Variants in SYNE2 observed in about 807,000 individuals in gnomAD.
SYNE2 encodes the protein spectrin repeat containing nuclear envelope protein 2.
SYNE2 carries 431 observed loss-of-function variants against 856.3 expected under a neutral mutation model. The observed-to-expected ratio is 0.50, with a 90% CI of 0.47 to 0.55. SYNE2 has a LOEUF of 0.55. Among genes scored for constraint, SYNE2 ranks in the 20% least tolerant of loss-of-function variants. The probability of loss-of-function intolerance (pLI) is 0.00; values close to 1 mark genes in which losing one functional copy is unlikely to be tolerated. For synonymous variants in SYNE2, 2,923 were observed against 2,872.3 expected (o/e 1.02, Z -0.56); for missense variants, 8,129 against 8,023.2 (o/e 1.01, Z -0.50).
At chr14:63,798,951 A>G (rs1342998712) in intron 1 of SYNE2, among the ~76,000 whole-genome samples, 2 of 152,110 alleles carry the variant, frequency 1.3e-5, no homozygotes, top group African/African-American at 2.4e-5. Flanking sequence ...ACAACTCTTC[A>G]TGGGTCCCAG....
At chr14:63,988,235 G>A (rs2096640403) in intron 19 of SYNE2, among the ~76,000 whole-genome samples, 2 of 152,090 alleles carry the variant, frequency 1.3e-5, no homozygotes, top group South Asian at 4.1e-4. Flanking sequence ...GCGCCATCAC[G>A]CCCAGCTAAT....
rs747731843 is a variant in SYNE2 at position 63,998,377 on chromosome 14, C to T, written c.3353+49C>T. On this transcript the variant is annotated intron_variant, in intron 26 of 115. Transcript: ENST00000555002. ...GGAAAATCCACCAGAAGTCTTTCAT[C>T]GATGCAAACATGTTAGACTTTTTAA... is the stretch of plus-strand genomic sequence containing the variant. 29 of 1,243,772 alleles carry T rather than the reference C, an allele frequency of 2.3e-5. No homozygotes were observed. In the South Asian group the frequency reaches 2.5e-4, roughly 11 times the overall value. 77.0% of individuals were successfully genotyped at this position (1,243,772 alleles called of 1,614,324 possible). A position where few individuals can be genotyped will look rare whatever the true frequency, so the allele number is the denominator to read the frequency against.
intron 32 of SYNE2, among the ~76,000 whole-genome samples, chr14:64,011,324 T>C (rs1282849559): frequency 6.6e-6 from 1 of 152,230 alleles, no homozygotes; most frequent in Non-Finnish European, 1.5e-5. Context: ...GTTGCTTAGA[T>C]GTAACCTGTC....
intron 3 of SYNE2, among the ~76,000 whole-genome samples, chr14:63,941,158 G>A (rs933461013): frequency 1.3e-5 from 2 of 152,154 alleles, no homozygotes; most frequent in Admixed American, 1.3e-4. Flanking sequence ...AAAAGTGATA[G>A]TGCTGGGATA....
At chr14:63,875,257 G>C (rs1248847452) in intron 1 of SYNE2, among the ~76,000 whole-genome samples, 1 of 152,002 alleles carries the variant, frequency 6.6e-6, no homozygotes, top group Non-Finnish European at 1.5e-5. Context: ...ATTTTAGCAG[G>C]ATAATTTTTA....
Position 64,142,108 on chromosome 14 carries a change from A to G in SYNE2, c.15306+20A>G. The stretch of plus-strand genomic sequence containing the variant: ...CACAAGGTAATTATGCAAAAGGAGC[A>G]GAAGTCTTTTCATTGAAACAAGAAG... On this transcript the variant is annotated intron_variant, in intron 82 of 115. Transcript: ENST00000555002. The G allele has an allele frequency of 6.2e-7, 1 of 1,613,874 alleles. No individual in the cohort carries two copies. The highest frequency in any genetic ancestry group is 8.5e-7 in the Non-Finnish European group (1 of 1,179,810).
At chr14:64,156,756 GC>G (rs2098289634) in intron 85 of SYNE2, among the ~76,000 whole-genome samples, 1 of 152,000 alleles carries the variant, frequency 6.6e-6, no homozygotes, top group Non-Finnish European at 1.5e-5. Context: ...ACCACACCTG[GC>G]CGCCTTCTTT....
At chr14:63,780,225 A>G (rs904720376) in intron 1 of SYNE2, among the ~76,000 whole-genome samples, 1 of 152,162 alleles carries the variant, frequency 6.6e-6, no homozygotes, top group Admixed American at 6.6e-5. Context: ...TATTTATACA[A>G]TGGAATACTA....
At chr14:64,142,380 G>T (rs2098145585) in intron 82 of SYNE2, among the ~76,000 whole-genome samples, 1 of 152,078 alleles carries the variant, frequency 6.6e-6, no homozygotes, top group Non-Finnish European at 1.5e-5. Context: ...GACTCTGCCT[G>T]ACAGAGTGAT....
At chr14:63,997,474 G>A (rs996455543) in intron 25 of SYNE2, 83 bp downstream of exon 25, 3 of 1,110,686 alleles carry the variant, frequency 2.7e-6, no homozygotes, top group Admixed American at 4.0e-5. Context: ...CATTAATTAG[G>A]TGTTGGTTTT....
chr14:64,025,547 T>C, intron 41 of SYNE2, 126 bp downstream of exon 41: 1 of 940,998 alleles, frequency 1.1e-6, no homozygotes, highest in Non-Finnish European at 1.6e-6. Flanking sequence ...TTGAAGAAAT[T>C]CAGATCACTG....
In SYNE2 at chr14:64,174,972, G is replaced by T; in HGVS notation, c.17264G>T (p.Arg5755Leu). 6.2e-7 allele frequency: 1 copy of T among 1,613,914 alleles called. No individual in the cohort carries two copies. Among genetic ancestry groups the T allele is most frequent in the Non-Finnish European group, 8.5e-7 (1 of 1,179,992 alleles). ...AAAGAAATTCATTTTCAAAGGAGGC[G>T]AACTACCTGTGCCCTAACCTTGGAA... is the stretch of plus-strand genomic sequence containing the variant. ...KNKEIHFQRRRTTCALTLEAG... is the reference protein window; with the variant it reads ...KNKEIHFQRRLTTCALTLEAG... Residue 5755 changes from arginine to leucine, a missense_variant, in exon 95 of 116, where the codon CGA becomes CTA. Transcript: ENST00000555002.
At chr14:64,038,837 G>A (rs1240727642) in intron 45 of SYNE2, among the ~76,000 whole-genome samples, 1 of 151,662 alleles carries the variant, frequency 6.6e-6, no homozygotes, top group Non-Finnish European at 1.5e-5. Flanking sequence ...ACCGTGGAAA[G>A]AGAGGGAGAG....
At chr14:64,215,877 T>C in intron 107 of SYNE2, 2 of 1,191,718 alleles carry the variant, frequency 1.7e-6, no homozygotes, top group African/African-American at 3.1e-5. Context: ...TGAGGAGCCT[T>C]TTGGTTCCCA....
At chr14:63,791,664 C>T (rs892340443) in intron 1 of SYNE2, among the ~76,000 whole-genome samples, 4 of 152,170 alleles carry the variant, frequency 2.6e-5, no homozygotes, top group African/African-American at 9.7e-5. Flanking sequence ...AAACTTAAGG[C>T]TGGACGTGGT....
intron 1 of SYNE2, among the ~76,000 whole-genome samples, chr14:63,838,524 TG>T (rs112345764): frequency 9.2e-5 from 14 of 152,196 alleles, no homozygotes; most frequent in Admixed American, 2.6e-4. Context: ...TATTTACTGT[TG>T]TTTTTTTTTA....
intron 1 of SYNE2, among the ~76,000 whole-genome samples, chr14:63,865,720 C>G (rs979228160): frequency 6.9e-5 from 8 of 116,420 alleles, no homozygotes; most frequent in Admixed American, 4.2e-4. Flanking sequence ...ACCCACCCCC[C>G]CCCCAAAAAA....
chr14:63,968,759 T>C (rs1414628612), intron 11 of SYNE2, among the ~76,000 whole-genome samples: 1 of 152,222 alleles, frequency 6.6e-6, no homozygotes, highest in East Asian at 1.9e-4. Context: ...GATATTTTGG[T>C]ACAGGCATGC....
At chr14:64,224,334 CAGTG>C (rs1465104111) in intron 113 of SYNE2, 123 bp from the exon 114 acceptor site, 5 of 913,812 alleles carry the variant, frequency 5.5e-6, no homozygotes, top group Admixed American at 1.8e-5. Context: ...CTGGGTGACA[CAGTG>C]AGACTGTCTA....
Sources: allele counts gnomAD v4.1 joint callset (sites outside exome capture counted in the v4.1 genomes callset), GRCh38; gene constraint gnomAD v4.1.1; transcripts MANE v1.5; gene names NCBI Gene and HGNC (gene_info 2026-07-23, HGNC 2026-07-21).